ACSL5: variants seen among roughly 807,000 people sequenced by gnomAD.
The protein encoded by ACSL5 is acyl-CoA synthetase long chain family member 5.
In ACSL5, 50 loss-of-function variants were observed where a neutral mutation model predicts 84.9. That is an observed-to-expected ratio of 0.59 (90% CI 0.47 to 0.75). ACSL5 has a LOEUF of 0.75. ACSL5 is among the 30% of genes least tolerant of loss of function. ACSL5 has a pLI of 0.00. For missense variants in ACSL5, 775 were observed against 830.4 expected, an observed-to-expected ratio of 0.93 and a Z score of 0.82; for synonymous variants, 280 against 300.7, an observed-to-expected ratio of 0.93 and a Z score of 0.71.
chr10:112,417,259 T>TTGG (rs1249170482), intron 13 of ACSL5, among the ~76,000 whole-genome samples: 5 of 146,342 alleles, frequency 3.4e-5, no homozygotes, highest in South Asian at 4.4e-4. Flanking sequence ...TCCCAGCACT[T>TTGG]TGGGAGGCCT....
intron 3 of ACSL5, among the ~76,000 whole-genome samples, chr10:112,402,216 C>A (rs1487494914): frequency 6.6e-6 from 1 of 152,144 alleles, no homozygotes; most frequent in East Asian, 1.9e-4. Flanking sequence ...GATCTGCCAA[C>A]CTCTGCCTCC....
intron 3 of ACSL5, among the ~76,000 whole-genome samples, chr10:112,400,765 G>A (rs1003866632): frequency 1.5e-4 from 23 of 152,068 alleles, no homozygotes; most frequent in African/African-American, 5.5e-4. Context: ...TGTTGTCCAA[G>A]CTAGTCTCAA....
chr10:112,410,430 ATGTC>A, intron 7 of ACSL5, 29 bp from the exon 8 acceptor site: 1 of 1,613,614 alleles, frequency 6.2e-7, no homozygotes, highest in South Asian at 1.1e-5. Flanking sequence ...ATCTCAACTA[ATGTC>A]TTTCTTTCTT....
chr10:112,377,265 C>T (rs1451213782), intron 1 of ACSL5, among the ~76,000 whole-genome samples: 2 of 152,182 alleles, frequency 1.3e-5, no homozygotes, highest in Non-Finnish European at 2.9e-5. Context: ...TAAGGCCGGG[C>T]GCAGTGACTC....
intron 14 of ACSL5, chr10:112,419,393 A>T (rs553858663): frequency 6.6e-6 from 1 of 152,316 alleles, no homozygotes; most frequent in South Asian, 2.1e-4. Flanking sequence ...GCAAAAGATA[A>T]TTTGGTCCTT....
At chr10:112,391,846 A>G in intron 1 of ACSL5, among the ~76,000 whole-genome samples, 1 of 152,186 alleles carries the variant, frequency 6.6e-6, no homozygotes, top group Non-Finnish European at 1.5e-5. Flanking sequence ...CTATATGGTA[A>G]CAATCACCTG....
chr10:112,404,836 T>G, intron 5 of ACSL5, 30 bp downstream of exon 5: 2 of 1,571,474 alleles, frequency 1.3e-6, no homozygotes, highest in Non-Finnish European at 1.7e-6. Context: ...CTAAAGGAAA[T>G]GAGTCAGGGT....
intron 17 of ACSL5, chr10:112,424,597 T>G (rs1181807246): frequency 6.6e-6 from 1 of 152,230 alleles, no homozygotes; most frequent in Non-Finnish European, 1.5e-5. Flanking sequence ...TTTCAGATAA[T>G]GAACGTTAGG....
In ACSL5 at chr10:112,425,490, TCATTTTAACAATAGCC is replaced by T; in HGVS notation, c.1737+15_1737+30del. ...ACGGGGAGAGCTTACGGGTAATATA[TCATTTTAACAATAGCC>T]CATTTCAGTCACAAACCATGCTGGT... is the stretch of plus-strand genomic sequence containing the variant. On this transcript the variant is annotated intron_variant, in intron 18 of 20. Coordinates refer to ENST00000354655, the MANE Select transcript of ACSL5 (RefSeq NM_203379.2). 1 of 1,593,948 alleles carries T rather than the reference TCATTTTAACAATAGCC, an allele frequency of 6.3e-7. No individual in the cohort carries two copies. The highest frequency in any genetic ancestry group is 2.3e-5 in the East Asian group (1 of 43,824).
intron 12 of ACSL5, among the ~76,000 whole-genome samples, chr10:112,415,356 C>T (rs924174413): frequency 3.9e-5 from 6 of 152,224 alleles, no homozygotes; most frequent in African/African-American, 9.6e-5. Flanking sequence ...CCCACCACCA[C>T]GACCGGCTAA....
chr10:112,413,152 A>G (rs2133637174), intron 11 of ACSL5, 21 bp from the exon 12 acceptor site: 2 of 1,613,306 alleles, frequency 1.2e-6, no homozygotes, highest in East Asian at 2.2e-5. Context: ...TCTAAGCTCT[A>G]TAATTTGGTT....
intron 5 of ACSL5, chr10:112,406,543 A>G (rs900951903): frequency 6.6e-6 from 1 of 152,220 alleles, no homozygotes; most frequent in Non-Finnish European, 1.5e-5. Flanking sequence ...AAGGCCCATC[A>G]CTAGCAGATT....
chr10:112,380,394 T>G (rs979892722), intron 1 of ACSL5, among the ~76,000 whole-genome samples: 2 of 152,088 alleles, frequency 1.3e-5, no homozygotes, highest in Non-Finnish European at 2.9e-5. Flanking sequence ...AGAGGTGCAG[T>G]GTCTACACTG....
At chr10:112,421,098 G>T (rs1844449670) in intron 14 of ACSL5, among the ~76,000 whole-genome samples, 1 of 152,144 alleles carries the variant, frequency 6.6e-6, no homozygotes, top group South Asian at 2.1e-4. Context: ...TGGCCAGAAG[G>T]CTTGGTAGTA....
chr10:112,376,535 T>C, intron 1 of ACSL5: 10 of 1,568,526 alleles, frequency 6.4e-6, no homozygotes, highest in Non-Finnish European at 8.7e-6. Flanking sequence ...GACCCCCGAC[T>C]TTCTTTAAGC....
chr10:112,376,763 G>C (rs977235983), intron 1 of ACSL5, among the ~76,000 whole-genome samples: 1 of 152,154 alleles, frequency 6.6e-6, no homozygotes, highest in Non-Finnish European at 1.5e-5. Context: ...TAGCTCCCCT[G>C]AGGTGGGCTG....
At chr10:112,425,288 T>TATG in intron 17 of ACSL5, 50 bp from the exon 18 acceptor site, 1 of 1,523,718 alleles carries the variant, frequency 6.6e-7, no homozygotes, top group Non-Finnish European at 8.9e-7. Flanking sequence ...TCCCCACTGA[T>TATG]ATCATCTCTG....
intron 1 of ACSL5, among the ~76,000 whole-genome samples, chr10:112,382,863 C>G (rs1042139351): frequency 6.6e-6 from 1 of 152,188 alleles, no homozygotes; most frequent in Non-Finnish European, 1.5e-5. Context: ...CGAATTGAAT[C>G]TTTCCATGGT....
chr10:112,411,492 T>C lies in ACSL5; in HGVS notation c.833T>C (p.Ile278Thr). 2 of 1,614,028 alleles carry C rather than the reference T, an allele frequency of 1.2e-6. No individual in the cohort carries two copies. Among genetic ancestry groups the C allele is most frequent in the East Asian group, 2.2e-5 (1 of 44,882 alleles). The change falls in exon 10 of 21, where the codon ATT (isoleucine) becomes ACT (threonine). Residue 278 changes from isoleucine to threonine, a missense_variant. Transcript: ENST00000354655. ...PKGAMITHQNIVSNAAAFLKC... is the reference protein window; with the variant it reads ...PKGAMITHQNTVSNAAAFLKC... ...GGAGCCATGATAACCCATCAAAATA[T>C]TGTTTCAAATGCTGCTGCCTTTCTC...
Sources: allele counts gnomAD v4.1 joint callset (sites outside exome capture counted in the v4.1 genomes callset), GRCh38; gene constraint gnomAD v4.1.1; transcripts MANE v1.5; gene names NCBI Gene and HGNC (gene_info 2026-07-23, HGNC 2026-07-21).